Variants in SPHKAP observed in about 807,000 individuals in gnomAD.
The protein encoded by SPHKAP is A-kinase anchor protein SPHKAP.
A neutral mutation model predicts 137.5 loss-of-function variants in SPHKAP; 67 were observed. The ratio of observed to expected loss-of-function variants is 0.49; its 90% confidence interval spans 0.40 to 0.60. The LOEUF (loss-of-function observed/expected upper bound fraction) is 0.60, where lower values mean the gene tolerates loss of function less well. Ranked by LOEUF, SPHKAP falls within the 20% of genes least tolerant of loss-of-function variation. SPHKAP has a pLI of 0.00. For synonymous variants in SPHKAP, 813 were observed against 785.3 expected (o/e 1.04, Z -0.59); for missense variants, 2,097 against 2,069.3 (o/e 1.01, Z -0.26).
intron 1 of SPHKAP, among the ~76,000 whole-genome samples, chr2:228,166,958 G>C (rs1209980597): frequency 6.6e-6 from 1 of 152,122 alleles, no homozygotes; most frequent in Non-Finnish European, 1.5e-5. Context: ...GATCCAGAGA[G>C]AGAGGGGAGG....
intron 11 of SPHKAP, chr2:227,982,323 A>T: frequency 1.7e-5 from 17 of 985,370 alleles, no homozygotes; most frequent in Non-Finnish European, 2.0e-5. Context: ...CCACCTATTG[A>T]TTCTTCATTC....
chr2:227,983,752 G>A (rs1180411861), intron 11 of SPHKAP, among the ~76,000 whole-genome samples: 3 of 152,186 alleles, frequency 2.0e-5, no homozygotes, highest in Non-Finnish European at 4.4e-5. Context: ...TGAGGCTGTT[G>A]CTCGATAATT....
At chr2:228,033,793 G>A (rs530099288) in intron 3 of SPHKAP, among the ~76,000 whole-genome samples, 16 of 152,190 alleles carry the variant, frequency 1.1e-4, no homozygotes, top group South Asian at 2.1e-4. Context: ...GATACATAAC[G>A]AAATGAAGGC....
At chr2:228,111,179 C>G (rs1698505815) in intron 2 of SPHKAP, among the ~76,000 whole-genome samples, 1 of 152,138 alleles carries the variant, frequency 6.6e-6, no homozygotes, top group South Asian at 2.1e-4. Flanking sequence ...CCTTGTATTT[C>G]AGGCATAGAA....
chr2:228,067,014 C>T (rs367860325), intron 3 of SPHKAP, among the ~76,000 whole-genome samples: 1 of 152,084 alleles, frequency 6.6e-6, no homozygotes, highest in South Asian at 2.1e-4. Flanking sequence ...ATTGTCTTTC[C>T]TCACCTAGTT....
At chr2:228,113,617 C>A (rs1307775002) in intron 2 of SPHKAP, among the ~76,000 whole-genome samples, 1 of 137,402 alleles carries the variant, frequency 7.3e-6, no homozygotes, top group African/African-American at 3.0e-5. Context: ...CTCTCTCTCT[C>A]TCTCTCTCTC....
intron 2 of SPHKAP, among the ~76,000 whole-genome samples, chr2:228,124,405 A>G (rs1179847723): frequency 1.3e-5 from 2 of 152,104 alleles, no homozygotes; most frequent in Non-Finnish European, 2.9e-5. Flanking sequence ...ATGCAGCCAT[A>G]AAAAATGATG....
intron 3 of SPHKAP, among the ~76,000 whole-genome samples, chr2:228,029,111 T>C (rs1695183235): frequency 6.6e-6 from 1 of 152,170 alleles, no homozygotes; most frequent in South Asian, 2.1e-4. Context: ...GTGTTGGTAA[T>C]TAGGTCTAGT....
intron 1 of SPHKAP, among the ~76,000 whole-genome samples, chr2:228,140,399 G>C (rs1699567627): frequency 1.3e-5 from 2 of 151,986 alleles, no homozygotes; most frequent in African/African-American, 4.8e-5. Flanking sequence ...ATATTCCCGT[G>C]TTCTTCCATC....
At chr2:228,168,693 G>C (rs1416924338) in intron 1 of SPHKAP, among the ~76,000 whole-genome samples, 4 of 152,030 alleles carry the variant, frequency 2.6e-5, no homozygotes, top group Non-Finnish European at 5.9e-5. Context: ...ACCAGTTAAT[G>C]ACTCTGAAAT....
At chr2:228,102,063 T>C (rs1462734685) in intron 3 of SPHKAP, among the ~76,000 whole-genome samples, 1 of 152,226 alleles carries the variant, frequency 6.6e-6, no homozygotes, top group East Asian at 1.9e-4. Context: ...GGTATAATAG[T>C]TATAGTTGCA....
intron 3 of SPHKAP, among the ~76,000 whole-genome samples, chr2:228,036,990 A>C (rs1695640382): frequency 6.6e-6 from 1 of 152,136 alleles, no homozygotes; most frequent in African/African-American, 2.4e-5. Flanking sequence ...ATATGTAACA[A>C]ACCTGCACAT....
At chr2:228,051,914 C>T (rs1696267629) in intron 3 of SPHKAP, among the ~76,000 whole-genome samples, 1 of 152,038 alleles carries the variant, frequency 6.6e-6, no homozygotes, top group Non-Finnish European at 1.5e-5. Flanking sequence ...GATGAGAGTT[C>T]AGCCTTCATG....
chr2:227,998,341 C>A (rs1014093709), intron 7 of SPHKAP, among the ~76,000 whole-genome samples: 1 of 152,090 alleles, frequency 6.6e-6, no homozygotes, highest in Non-Finnish European at 1.5e-5. Context: ...GGTATGAGTG[C>A]CCTTTGCTCA....
At chr2:227,998,331 G>T (rs1034444044) in intron 7 of SPHKAP, among the ~76,000 whole-genome samples, 42 of 152,066 alleles carry the variant, frequency 2.8e-4, no homozygotes, top group African/African-American at 9.7e-4. Context: ...CTTTAATTCA[G>T]GTATGAGTGC....
chr2:228,019,905 T>G lies in SPHKAP; in HGVS notation c.949A>C (p.Arg317=). The G allele has an allele frequency of 2.5e-6, 4 of 1,614,238 alleles. No homozygotes were observed. Among genetic ancestry groups the G allele is most frequent in the Non-Finnish European group, 3.4e-6 (4 of 1,180,020 alleles). The stretch of plus-strand genomic sequence containing the variant: ...GAATGATAATAATGTGTGGCTTGTC[T>G]CCCATTCCCCACAGCTTCTCTTTTC... ...QWKREAVGNG[R]QATHYYHSEA... Residue 317 remains arginine, a synonymous_variant, in exon 7 of 12, where the codon AGA becomes CGA. Coordinates refer to ENST00000392056, the MANE Select transcript of SPHKAP (RefSeq NM_001142644.2).
At chr2:228,157,945 T>C (rs950257072) in intron 1 of SPHKAP, among the ~76,000 whole-genome samples, 4 of 152,198 alleles carry the variant, frequency 2.6e-5, no homozygotes, top group Non-Finnish European at 5.9e-5. Flanking sequence ...TATTAAGCCA[T>C]GGTTATTAGC....
chr2:228,001,466 T>A (rs1052300773), intron 7 of SPHKAP, among the ~76,000 whole-genome samples: 129 of 143,300 alleles, frequency 9.0e-4, no homozygotes, highest in Non-Finnish European at 1.6e-3. Flanking sequence ...AATATATACG[T>A]ATATATAAAA....
chr2:228,113,615 C>G (rs1698593699), intron 2 of SPHKAP, among the ~76,000 whole-genome samples: 1 of 111,574 alleles, frequency 9.0e-6, no homozygotes, highest in East Asian at 2.4e-4. Flanking sequence ...CTCTCTCTCT[C>G]TCTCTCTCTC....
Sources: allele counts gnomAD v4.1 joint callset (sites outside exome capture counted in the v4.1 genomes callset), GRCh38; gene constraint gnomAD v4.1.1; transcripts MANE v1.5; gene names NCBI Gene and HGNC (gene_info 2026-07-23, HGNC 2026-07-21).